Variants in KAZN observed in about 807,000 individuals in gnomAD.
KAZN encodes the protein kazrin.
In KAZN, 40 loss-of-function variants were observed where a neutral mutation model predicts 87.4. The observed-to-expected ratio is 0.46, with a 90% confidence interval of 0.36 to 0.60. KAZN has a LOEUF of 0.60. Ranked by LOEUF, KAZN falls within the 20% of genes least tolerant of loss-of-function variation. The pLI, the probability that KAZN is intolerant of heterozygous loss-of-function variation, is 0.00. For missense variants in KAZN, 898 were observed against 1,073.9 expected (o/e 0.84, Z 2.29); for synonymous variants, 466 against 458.3 (o/e 1.02, Z -0.22).
intron 1 of KAZN, among the ~76,000 whole-genome samples, chr1:14,883,085 C>T (rs1653509893): frequency 6.6e-6 from 1 of 151,714 alleles, no homozygotes; most frequent in Non-Finnish European, 1.5e-5. Flanking sequence ...CACCTGAGGT[C>T]GGGAGTTCGA....
intron 1 of KAZN, among the ~76,000 whole-genome samples, chr1:14,950,491 C>T (rs927096527): frequency 1.3e-5 from 2 of 152,106 alleles, no homozygotes; most frequent in South Asian, 2.1e-4. Flanking sequence ...TACCTCTCCC[C>T]GAAGGCTCAG....
At chr1:14,160,269 G>C (rs528697497) in intron 1 of KAZN, among the ~76,000 whole-genome samples, 70 of 152,326 alleles carry the variant, frequency 4.6e-4, no homozygotes, top group African/African-American at 1.6e-3. Flanking sequence ...ATTCCCTTCT[G>C]GCTAGGCTGG....
intron 2 of KAZN, among the ~76,000 whole-genome samples, chr1:14,550,593 C>T (rs1321289117): frequency 6.6e-6 from 1 of 152,112 alleles, no homozygotes; most frequent in East Asian, 1.9e-4. Flanking sequence ...TCTTCCTGCT[C>T]AAAGGAGTGT....
intron 2 of KAZN, among the ~76,000 whole-genome samples, chr1:14,589,457 G>C (rs72647619): frequency 0.11 from 17,444 of 152,132 alleles, 1,127 homozygotes; most frequent in Middle Eastern, 0.15. Context: ...TTCCAATTAT[G>C]CATACAACTG....
intron 1 of KAZN, among the ~76,000 whole-genome samples, chr1:14,861,930 T>C (rs565470005): frequency 6.6e-6 from 1 of 152,280 alleles, no homozygotes; most frequent in South Asian, 2.1e-4. Context: ...AGAAACGGGA[T>C]TGGTGGCATC....
chr1:14,647,867 G>C (rs1680924464), intron 1 of KAZN, among the ~76,000 whole-genome samples: 1 of 152,110 alleles, frequency 6.6e-6, no homozygotes, highest in African/African-American at 2.4e-5. Context: ...CGAGATGGTT[G>C]GACCTAGAGA....
chr1:13,950,955 C>A (rs1641323849), intron 1 of KAZN, among the ~76,000 whole-genome samples: 1 of 152,192 alleles, frequency 6.6e-6, no homozygotes, highest in Non-Finnish European at 1.5e-5. Context: ...TCTCGGGAAA[C>A]TGTCAAAGGA....
intron 1 of KAZN, among the ~76,000 whole-genome samples, chr1:14,826,524 G>T (rs1398696413): frequency 6.6e-6 from 1 of 152,166 alleles, no homozygotes; most frequent in Non-Finnish European, 1.5e-5. Flanking sequence ...TGCTCCTGGG[G>T]GCGGCTGATG....
Position 14,923,617 on chromosome 1 carries a change from C to T in KAZN, c.227-37067C>T, listed in dbSNP as rs181093300. Reference sequence around the variant, plus strand: ...TGAGGTGAAGTCACAGGGCCTCCCACCAGATCTCAGCCCCCTCGCGATCTC... The same window carrying T: ...TGAGGTGAAGTCACAGGGCCTCCCATCAGATCTCAGCCCCCTCGCGATCTC... On this transcript the variant is annotated intron_variant, in intron 1 of 14. Coordinates refer to ENST00000376030, the MANE Select transcript of KAZN (RefSeq NM_201628.3). The surrounding 1 kb of genome is among the most constrained non-coding windows in gnomAD (Gnocchi z 4.2). 1.3e-5 allele frequency among the ~76,000 whole-genome samples: 2 copies of T among 152,358 alleles called. No individual in the cohort carries two copies. Among genetic ancestry groups the T allele is most frequent in the East Asian group, 3.9e-4 (2 of 5,176 alleles).
intron 1 of KAZN, among the ~76,000 whole-genome samples, chr1:14,018,330 G>A (rs1242055111): frequency 6.6e-6 from 1 of 152,150 alleles, no homozygotes; most frequent in Non-Finnish European, 1.5e-5. Flanking sequence ...TTGATTCTAG[G>A]CAAAATTTAC....
chr1:14,272,152 C>A (rs887563121), intron 2 of KAZN, among the ~76,000 whole-genome samples: 1 of 152,176 alleles, frequency 6.6e-6, no homozygotes. Context: ...TAACAAATTA[C>A]CCCCAAACTC....
At chr1:14,025,344 G>C (rs1641024389) in intron 1 of KAZN, among the ~76,000 whole-genome samples, 1 of 152,164 alleles carries the variant, frequency 6.6e-6, no homozygotes, top group Non-Finnish European at 1.5e-5. Flanking sequence ...CTTTGTATTT[G>C]TGTCTCTGCC....
At chr1:14,323,686 A>G (rs1310387018) in intron 2 of KAZN, among the ~76,000 whole-genome samples, 4 of 152,136 alleles carry the variant, frequency 2.6e-5, no homozygotes, top group Non-Finnish European at 5.9e-5. Context: ...TTAGTGGGAG[A>G]ATCACATTCT....
At chr1:14,466,953 T>A (rs36107687) in intron 2 of KAZN, among the ~76,000 whole-genome samples, 13,060 of 121,366 alleles carry the variant, frequency 0.11, 823 homozygotes, top group Non-Finnish European at 0.18. Context: ...TGGGCGACAG[T>A]GCAAGACTCT....
At chr1:14,811,693 C>G (rs1553136555) in intron 1 of KAZN, among the ~76,000 whole-genome samples, 1 of 152,170 alleles carries the variant, frequency 6.6e-6, no homozygotes, top group Non-Finnish European at 1.5e-5. Flanking sequence ...GTCTCTGAAA[C>G]AAGAATGCAT....
At chr1:15,112,596 T>TTTTTCTTCTCCCAGCGGCAGGTCTTTC in intron 14 of KAZN, 55 bp downstream of exon 14, 3 of 1,259,988 alleles carry the variant, frequency 2.4e-6, no homozygotes, top group Non-Finnish European at 3.4e-6. Context: ...AAAGGTCTTT[T>TTTTTCTTCTCCCAGCGGCAGGTCTTTC]TTTCTCCTCC....
intron 2 of KAZN, among the ~76,000 whole-genome samples, chr1:14,245,592 CTTTG>C (rs1357918750): frequency 3.8e-4 from 58 of 152,102 alleles, no homozygotes; most frequent in Non-Finnish European, 7.6e-4. Context: ...CCAAGTACAT[CTTTG>C]AGATAGATTC....
At chr1:14,530,226 C>T (rs1290326011) in intron 2 of KAZN, among the ~76,000 whole-genome samples, 1 of 152,134 alleles carries the variant, frequency 6.6e-6, no homozygotes, top group Non-Finnish European at 1.5e-5. Flanking sequence ...AAAACGGGAG[C>T]AGGAAATACA....
At chr1:14,525,483 C>CTTTAT (rs1283954655) in intron 2 of KAZN, among the ~76,000 whole-genome samples, 1 of 152,178 alleles carries the variant, frequency 6.6e-6, no homozygotes, top group Non-Finnish European at 1.5e-5. Flanking sequence ...TCCGATAAAA[C>CTTTAT]TTTATTTATG....
Sources: gnomAD v4.1 joint callset for allele counts (sites outside exome capture counted in the v4.1 genomes callset) on GRCh38, gnomAD v4.1.1 for gene constraint, Gnocchi (gnomAD v3.1) non-coding constraint, MANE v1.5 for transcripts, NCBI Gene and HGNC (gene_info 2026-07-23, HGNC 2026-07-21) for gene names.